LYST: variants seen among roughly 807,000 people sequenced by gnomAD.
LYST encodes lysosomal-trafficking regulator.
Under a neutral mutation model 413.6 loss-of-function variants are expected in LYST, and 192 were observed. The observed-to-expected ratio is 0.46, with a 90% CI of 0.41 to 0.52. The LOEUF is 0.52. Ranked by LOEUF, LYST falls within the 20% of genes least tolerant of loss-of-function variation. The pLI is 0.00. For missense variants in LYST, 3,815 were observed against 4,499.9 expected, an observed-to-expected ratio of 0.85 and a Z score of 4.35; for synonymous variants, 1,525 against 1,567.3, an observed-to-expected ratio of 0.97 and a Z score of 0.64.
intron 17 of LYST, among the ~76,000 whole-genome samples, chr1:235,776,388 T>C (rs954137960): frequency 1.3e-5 from 2 of 152,166 alleles, no homozygotes; most frequent in African/African-American, 4.8e-5. Context: ...TTGATAATGT[T>C]GCAAAAGTTA....
chr1:235,806,488 G>A lies in LYST; in HGVS notation c.2648C>T (p.Pro883Leu), dbSNP rs1398467049. 1 of 1,613,950 alleles carries A rather than the reference G, an allele frequency of 6.2e-7. No homozygotes were observed. Among genetic ancestry groups the A allele is most frequent in the East Asian group, 2.2e-5 (1 of 44,880 alleles). The change falls in exon 6 of 53, where the codon CCA (proline) becomes CTA (leucine). Residue 883 changes from proline to leucine, a missense_variant. Pro to Leu is a moderately conservative substitution (Grantham distance 98). This residue lies in a region of LYST where 1,648 missense variants were observed against 1,810.3 expected (regional missense o/e 0.91). Transcript: ENST00000389793. Reference protein sequence around the residue: ...KFYAGLKEAYPKRRKTVNQDV... With the variant: ...KFYAGLKEAYLKRRKTVNQDV... ...TTGGTTAACAGTCTTCCGTCTCTTTGGATAAGCTTCTTTGAGGCCAGCATA... is the reference window on the plus strand; with the variant it reads ...TTGGTTAACAGTCTTCCGTCTCTTTAGATAAGCTTCTTTGAGGCCAGCATA...
At chr1:235,841,395 G>A (rs1024875876) in intron 1 of LYST, among the ~76,000 whole-genome samples, 6 of 152,172 alleles carry the variant, frequency 3.9e-5, no homozygotes, top group African/African-American at 1.4e-4. Context: ...GAGGTGGTGC[G>A]GCGTGGCCAG....
Position 235,744,106 on chromosome 1 carries a change from T to C in LYST, c.8024A>G (p.Gln2675Arg). 6.2e-7 allele frequency: 1 copy of C among 1,600,458 alleles called. No homozygotes were observed. The highest frequency in any genetic ancestry group is 8.6e-7 in the Non-Finnish European group (1 of 1,167,844). Residue 2675 changes from glutamine to arginine, a missense_variant, in exon 30 of 53, where the codon CAA becomes CGA. Physicochemically the swap from Gln to Arg is conservative, Grantham distance 43. Coordinates refer to ENST00000389793, the MANE Select transcript of LYST (RefSeq NM_000081.4). Reference protein sequence around the residue: ...DILRTPENVTQSKTSVFQTEI... With the variant: ...DILRTPENVTRSKTSVFQTEI... ...GGTCTGGAAAACTGAGGTCTTGCTT[T>C]GAGTTACATTTTCTGGAGTTCTCAA...
chr1:235,839,866 T>A (rs1455982977), intron 1 of LYST: 3 of 151,952 alleles, frequency 2.0e-5, no homozygotes, highest in East Asian at 3.9e-4. Context: ...ATAAATAAAA[T>A]AAATCATCAG....
At chr1:235,853,677 T>C (rs1306668518) in intron 1 of LYST, among the ~76,000 whole-genome samples, 1 of 152,118 alleles carries the variant, frequency 6.6e-6, no homozygotes, top group Non-Finnish European at 1.5e-5. Context: ...AACATGCCAT[T>C]CCGGCTGCCT....
Position 235,816,128 on chromosome 1 carries a change from C to CAAAAA in LYST, c.193-3072_193-3068dup, listed in dbSNP as rs59556548. On this transcript the variant is annotated intron_variant, in intron 3 of 52. Coordinates refer to ENST00000389793, the MANE Select transcript of LYST (RefSeq NM_000081.4). ...CTGGCAACAAAGTGAGACTCCATCTCAAAAAAAAAAAAAAAAAAAAAAAAA... is the reference window on the plus strand; with the variant it reads ...CTGGCAACAAAGTGAGACTCCATCTCAAAAAAAAAAAAAAAAAAAAAAAAAAAAAA... Among the ~76,000 whole-genome samples the CAAAAA allele has an allele frequency of 5.1e-3, 60 of 11,804 alleles. 18 individuals are homozygous for CAAAAA. The highest frequency in any genetic ancestry group is 9.5e-3 in the Admixed American group (6 of 632). 7.7% of individuals were successfully genotyped at this position (11,804 alleles called of 152,430 possible).
At position 235,666,450 on chromosome 1, in the gene LYST, C is replaced by T. The variant is rs188967571; in HGVS notation, c.11039-1829G>A. ...AAAGTAAAATAGAGGTTACCAGGGG[C>T]TGGAAGCTGAGGGAGGAGGAATGGG... On this transcript the variant is annotated intron_variant, in intron 50 of 52. Transcript: ENST00000389793. Among the ~76,000 whole-genome samples the T allele has an allele frequency of 7.9e-5, 12 of 152,088 alleles. No individual in the cohort carries two copies. The East Asian group carries it at 1.7e-3, about 22-fold the overall frequency.
intron 6 of LYST, among the ~76,000 whole-genome samples, chr1:235,805,228 A>C (rs978249854): frequency 2.0e-5 from 3 of 152,208 alleles, no homozygotes; most frequent in African/African-American, 4.8e-5. Flanking sequence ...AATCTGGACA[A>C]AGATGTGGTT....
chr1:235,843,717 T>G (rs567503920), intron 1 of LYST, among the ~76,000 whole-genome samples: 105 of 152,274 alleles, frequency 6.9e-4, no homozygotes, highest in African/African-American at 2.5e-3. Context: ...TTTCTGCTTT[T>G]TCCTTGTCTT....
intron 40 of LYST, among the ~76,000 whole-genome samples, chr1:235,719,627 T>TAA (rs35578758): frequency 0.3 from 41,037 of 136,832 alleles, 10,416 homozygotes; most frequent in African/African-American, 0.7. Flanking sequence ...TGCAGAATGA[T>TAA]AAAAAAAAAA....
In LYST at chr1:235,813,065, T is replaced by C; in HGVS notation, c.193-4A>G. ...GTTCTTCTCTACATGTCAATGCCTA[T>C]GTCAGTAACAAAAGAATCCTTCATG... On this transcript the variant is annotated splice_polypyrimidine_tract_variant and splice_region_variant and intron_variant, in intron 3 of 52. Coordinates refer to ENST00000389793, the MANE Select transcript of LYST (RefSeq NM_000081.4). 2.0e-6 allele frequency: 3 copies of C among 1,527,394 alleles called. No individual in the cohort carries two copies. Among genetic ancestry groups the C allele is most frequent in the South Asian group, 1.1e-5 (1 of 89,346 alleles). The allele number at this position is 1,527,394 out of a possible 1,614,324, so 94.6% of individuals were successfully genotyped here.
chr1:235,719,956 T>A (rs1028823840), intron 40 of LYST, among the ~76,000 whole-genome samples: 1 of 151,788 alleles, frequency 6.6e-6, no homozygotes, highest in Non-Finnish European at 1.5e-5. Context: ...GGTGGGTGGA[T>A]CACAAGGTCA....
chr1:235,813,582 C>T lies in LYST; in HGVS notation c.193-521G>A, dbSNP rs150547250. 4.0e-3 allele frequency among the ~76,000 whole-genome samples: 609 copies of T among 152,134 alleles called. 5 individuals are homozygous for T. The highest frequency in any genetic ancestry group is 0.014 in the African/African-American group (584 of 41,502). ...ATATTTATTGACTGCATACTATGTC[C>T]ACAAAAATACTGTCTTACCCTTTCT... On this transcript the variant is annotated intron_variant, in intron 3 of 52. Coordinates refer to ENST00000389793, the MANE Select transcript of LYST (RefSeq NM_000081.4).
rs1219896140 is a variant in LYST at position 235,661,165 on chromosome 1, T to TTATGTA, written c.*1774_*1775insTACATA. The TTATGTA allele has an allele frequency of 6.6e-6, 1 of 152,608 alleles. No homozygotes were observed. Among genetic ancestry groups the TTATGTA allele is most frequent in the African/African-American group, 2.4e-5 (1 of 41,452 alleles). 9.5% of individuals were successfully genotyped at this position (152,608 alleles called of 1,614,324 possible). On this transcript the variant is annotated 3_prime_UTR_variant, in exon 53 of 53. Coordinates refer to ENST00000389793, the MANE Select transcript of LYST (RefSeq NM_000081.4). ...ATGAAGTATTTCAAACATATACATA[T>TTATGTA]TAGGTTTCATGCTGAATAAATAATC...
At position 235,793,548 on chromosome 1, in the gene LYST, C is replaced by T; in HGVS notation, c.4071G>A (p.Glu1357=). 1.9e-6 allele frequency: 3 copies of T among 1,597,496 alleles called. No homozygotes were observed. Among genetic ancestry groups the T allele is most frequent in the South Asian group, 1.1e-5 (1 of 89,310 alleles). ...SLMSSRTCSE[E]LTLLLRIFLE... ...GAAATATTCTCAAAAGAAGGGTTAG[C>T]TCTTCTGAACATGTTCTTGAACTCA... is the stretch of plus-strand genomic sequence containing the variant. The change falls in exon 11 of 53, where the codon GAG becomes GAA. Residue 1357 remains glutamate, a synonymous_variant. Coordinates refer to ENST00000389793, the MANE Select transcript of LYST (RefSeq NM_000081.4).
Position 235,781,928 on chromosome 1 carries a change from G to T in LYST, c.5022C>A (p.Asn1674Lys). Residue 1674 changes from asparagine to lysine, a missense_variant and splice_region_variant, in exon 15 of 53, where the codon AAC (asparagine) becomes AAA (lysine). Transcript: ENST00000389793. ...KWDLGNLLLF[N>K]GAKVGSQEAF... ...GTGGTGCAATCATAGCTCACTCACC[G>T]TTGAAGAGAAGCAAATTTCCCAGGT... 1 of 1,606,722 alleles carries T rather than the reference G, an allele frequency of 6.2e-7. No homozygotes were observed. The highest frequency in any genetic ancestry group is 8.5e-7 in the Non-Finnish European group (1 of 1,173,474).
At chr1:235,857,931 C>T (rs973467187) in intron 1 of LYST, among the ~76,000 whole-genome samples, 17 of 152,070 alleles carry the variant, frequency 1.1e-4, no homozygotes, top group African/African-American at 3.4e-4. Flanking sequence ...CATTGTTATT[C>T]GATTTTATCC....
At chr1:235,708,719 T>C (rs187125009) in intron 44 of LYST, among the ~76,000 whole-genome samples, 1 of 152,168 alleles carries the variant, frequency 6.6e-6, no homozygotes, top group Non-Finnish European at 1.5e-5. Context: ...GAGTATGCTT[T>C]TTGTGCTTTA....
intron 21 of LYST, among the ~76,000 whole-genome samples, chr1:235,765,370 CT>C (rs1267683195): frequency 6.6e-6 from 1 of 152,174 alleles, no homozygotes; most frequent in Non-Finnish European, 1.5e-5. Flanking sequence ...CTTACTGCCC[CT>C]AGTTCCTTAT....
Sources: allele counts gnomAD v4.1 joint callset (sites outside exome capture counted in the v4.1 genomes callset), GRCh38; gene constraint gnomAD v4.1.1; regional missense constraint gnomAD v4.1.1; transcripts MANE v1.5; gene names NCBI Gene and HGNC (gene_info 2026-07-23, HGNC 2026-07-21).